DYNC1I1: variants seen among roughly 807,000 people sequenced by gnomAD.
DYNC1I1 encodes the protein cytoplasmic dynein 1 intermediate chain 1.
In DYNC1I1, 43 loss-of-function variants were observed where a neutral mutation model predicts 86.6. The ratio of observed to expected loss-of-function variants is 0.50; its 90% confidence interval spans 0.39 to 0.64. The LOEUF (loss-of-function observed/expected upper bound fraction) is 0.64. Among genes scored for constraint, DYNC1I1 ranks in the 30% least tolerant of loss-of-function variants. The pLI is 0.00. For missense variants in DYNC1I1, 604 were observed against 788.8 expected, an observed-to-expected ratio of 0.77 and a Z score of 2.81; for synonymous variants, 262 against 283.7, an observed-to-expected ratio of 0.92 and a Z score of 0.77.
In DYNC1I1 at chr7:95,907,727, A is replaced by G. The variant is rs530819432; in HGVS notation, c.490+37729A>G. On this transcript the variant is annotated intron_variant, in intron 6 of 16. Transcript: ENST00000447467. ...TCGGTTCATTTGGTCCTTGTTCTCA[A>G]GTAGACCACAGGGCAGTCTACTTGA... 9.3e-4 allele frequency among the ~76,000 whole-genome samples: 141 copies of G among 151,256 alleles called. 1 individual carries two copies. The South Asian group carries it at 0.011, about 12-fold the overall frequency.
At chr7:96,054,746 TG>T (rs1789519031) in intron 14 of DYNC1I1, among the ~76,000 whole-genome samples, 1 of 152,252 alleles carries the variant, frequency 6.6e-6, no homozygotes, top group African/African-American at 2.4e-5. Context: ...TTTTCATGTT[TG>T]TTGGCCACAT....
At chr7:96,092,172 T>C (rs1257813547) in intron 16 of DYNC1I1, among the ~76,000 whole-genome samples, 1 of 131,024 alleles carries the variant, frequency 7.6e-6, no homozygotes. Context: ...TGATAAAATA[T>C]AAGGTATACT....
intron 5 of DYNC1I1, among the ~76,000 whole-genome samples, chr7:95,839,473 C>G (rs1312003622): frequency 6.6e-6 from 1 of 152,164 alleles, no homozygotes; most frequent in Non-Finnish European, 1.5e-5. Flanking sequence ...TTTCCCCCCA[C>G]ATTATGTGCA....
intron 14 of DYNC1I1, among the ~76,000 whole-genome samples, chr7:96,041,646 A>G (rs998686525): frequency 1.3e-5 from 2 of 152,206 alleles, no homozygotes; most frequent in Non-Finnish European, 2.9e-5. Context: ...AGGTATAAGA[A>G]AAAATGAAGA....
intron 15 of DYNC1I1, among the ~76,000 whole-genome samples, chr7:96,080,011 A>G (rs42084): frequency 0.036 from 5,483 of 152,202 alleles, 150 homozygotes; most frequent in Middle Eastern, 0.065. Context: ...CCATCTGTCC[A>G]TAAACTATGA....
intron 16 of DYNC1I1, among the ~76,000 whole-genome samples, chr7:96,104,653 G>A (rs980733434): frequency 1.3e-5 from 2 of 151,944 alleles, no homozygotes; most frequent in Non-Finnish European, 2.9e-5. Flanking sequence ...AATTAAATTA[G>A]CATTCTTGGT....
At chr7:95,953,775 C>A (rs1237196529) in intron 6 of DYNC1I1, among the ~76,000 whole-genome samples, 5 of 152,270 alleles carry the variant, frequency 3.3e-5, no homozygotes, top group Non-Finnish European at 1.5e-5. Flanking sequence ...TTGTTTGAGT[C>A]ACTAAATCAA....
At chr7:96,035,587 G>A (rs781724005) in intron 12 of DYNC1I1, 32 bp from the exon 13 acceptor site, 1 of 1,550,024 alleles carries the variant, frequency 6.5e-7, no homozygotes, top group Non-Finnish European at 8.7e-7. Context: ...GGAGTTGACA[G>A]ATGGAAATGT....
chr7:95,795,936 A>G (rs1794425002), intron 1 of DYNC1I1, among the ~76,000 whole-genome samples: 1 of 151,572 alleles, frequency 6.6e-6, no homozygotes, highest in South Asian at 2.1e-4. Flanking sequence ...CTCTGTGAAC[A>G]AAGATGATGG....
chr7:95,908,737 A>G (rs1331669451), intron 6 of DYNC1I1, among the ~76,000 whole-genome samples: 1 of 152,102 alleles, frequency 6.6e-6, no homozygotes, highest in Non-Finnish European at 1.5e-5. Flanking sequence ...GTTGGTTTAG[A>G]AAGTGTGCAG....
chr7:95,972,501 G>T (rs1055272672), intron 6 of DYNC1I1, among the ~76,000 whole-genome samples: 2 of 151,890 alleles, frequency 1.3e-5, no homozygotes, highest in African/African-American at 2.4e-5. Context: ...TTCCCCCTGG[G>T]CTTCGAGAGA....
intron 6 of DYNC1I1, among the ~76,000 whole-genome samples, chr7:95,951,091 TATC>T (rs1562953812): frequency 6.6e-6 from 1 of 152,238 alleles, no homozygotes; most frequent in African/African-American, 2.4e-5. Flanking sequence ...TTTTTACTAT[TATC>T]ATTATTTTCT....
At chr7:96,104,083 T>C (rs1247764467) in intron 16 of DYNC1I1, among the ~76,000 whole-genome samples, 2 of 152,208 alleles carry the variant, frequency 1.3e-5, no homozygotes, top group African/African-American at 4.8e-5. Flanking sequence ...CCACATTTAA[T>C]ATATTATTTC....
At chr7:95,873,113 C>T (rs1790216592) in intron 6 of DYNC1I1, among the ~76,000 whole-genome samples, 1 of 152,318 alleles carries the variant, frequency 6.6e-6, no homozygotes, top group East Asian at 1.9e-4. Context: ...CAACCTGGTA[C>T]ATAATCATAG....
At chr7:95,796,400 C>G (rs993742397) in intron 1 of DYNC1I1, among the ~76,000 whole-genome samples, 5 of 152,122 alleles carry the variant, frequency 3.3e-5, no homozygotes, top group Non-Finnish European at 7.4e-5. Context: ...ACCTCCACCT[C>G]CCAGGTTCAA....
intron 14 of DYNC1I1, among the ~76,000 whole-genome samples, chr7:96,071,778 C>T (rs141801723): frequency 1.3e-4 from 20 of 152,268 alleles, no homozygotes; most frequent in African/African-American, 4.8e-4. Flanking sequence ...AAGCATCTGA[C>T]TGCATTATTT....
At chr7:95,938,275 C>T (rs1454820485) in intron 6 of DYNC1I1, among the ~76,000 whole-genome samples, 2 of 152,166 alleles carry the variant, frequency 1.3e-5, no homozygotes, top group African/African-American at 4.8e-5. Context: ...ATCTGATAAA[C>T]TATTTCTCAA....
chr7:95,953,136 G>T (rs1792603767), intron 6 of DYNC1I1, among the ~76,000 whole-genome samples: 1 of 149,400 alleles, frequency 6.7e-6, no homozygotes, highest in South Asian at 2.2e-4. Context: ...AAGATATACA[G>T]AGAATAAAAC....
At chr7:95,810,580 A>G (rs547349982) in intron 3 of DYNC1I1, 74 bp downstream of exon 3, 86 of 1,217,226 alleles carry the variant, frequency 7.1e-5, no homozygotes, top group Admixed American at 3.0e-4. Context: ...AGTGTTTACT[A>G]TTCTTTTAAG....
Sources: gnomAD v4.1 joint callset for allele counts (sites outside exome capture counted in the v4.1 genomes callset) on GRCh38, gnomAD v4.1.1 for gene constraint, MANE v1.5 for transcripts, NCBI Gene and HGNC (gene_info 2026-07-23, HGNC 2026-07-21) for gene names.